The following SDHC variants were observed in gnomAD, a reference collection of about 807,000 sequenced individuals.
SDHC encodes the protein succinate dehydrogenase cytochrome b560 subunit, mitochondrial.
In SDHC, 11 loss-of-function variants were observed where a neutral mutation model predicts 22.6. The ratio of observed to expected loss-of-function variants is 0.49; its 90% CI spans 0.31 to 0.81. The LOEUF (loss-of-function observed/expected upper bound fraction) is 0.81. Ranked by LOEUF, SDHC falls within the 30% of genes least tolerant of loss-of-function variation. The pLI, the probability that SDHC is intolerant of heterozygous loss-of-function variation, is 0.05. For missense variants in SDHC, 160 were observed against 212.0 expected (o/e 0.75, Z 1.52); for synonymous variants, 80 against 77.8 (o/e 1.03, Z -0.15).
intron 1 of SDHC, 197 bp downstream of exon 1, chr1:161,314,622 C>G (rs937493524): frequency 4.7e-6 from 3 of 634,270 alleles, no homozygotes; most frequent in Non-Finnish European, 8.4e-6. Flanking sequence ...CGTAGGGCTT[C>G]GGGGTCACTG....
chr1:161,348,723 A>G (rs1004628583), intron 4 of SDHC, among the ~76,000 whole-genome samples: 1 of 149,924 alleles, frequency 6.7e-6, no homozygotes, highest in Admixed American at 6.6e-5. Flanking sequence ...CTATAATCCC[A>G]GTTACTTGGG....
At chr1:161,340,768 G>GT (rs1571869503) in intron 4 of SDHC, 113 bp downstream of exon 4, 1 of 806,762 alleles carries the variant, frequency 1.2e-6, no homozygotes, top group East Asian at 2.4e-5. Flanking sequence ...AGAGGGAACA[G>GT]TAAGTCTCTT....
At chr1:161,356,235 GTTT>G (rs1477914749) in intron 4 of SDHC, among the ~76,000 whole-genome samples, 2 of 152,080 alleles carry the variant, frequency 1.3e-5, no homozygotes, top group African/African-American at 4.8e-5. Flanking sequence ...TTGAACATGA[GTTT>G]AAATCTTCTC....
chr1:161,356,731 A>T lies in SDHC; in HGVS notation c.296A>T (p.Tyr99Phe). ...ALLLPGNFES[Y>F]LELVKSLCLG... is the part of the protein sequence containing the mutation. ...TTACTCCCTGGGAACTTTGAGTCTT[A>T]TTTGGAACTTGTGAAGTCCCTGTGT... is the stretch of plus-strand genomic sequence containing the variant. Residue 99 changes from tyrosine to phenylalanine, a missense_variant, in exon 5 of 6, where the codon TAT becomes TTT. Physicochemically the swap from Tyr to Phe is conservative, Grantham distance 22 (BLOSUM62 3). Transcript: ENST00000367975. 6.2e-7 allele frequency: 1 copy of T among 1,613,930 alleles called. No individual in the cohort carries two copies. Among genetic ancestry groups the T allele is most frequent in the Non-Finnish European group, 8.5e-7 (1 of 1,179,950 alleles).
intron 3 of SDHC, among the ~76,000 whole-genome samples, chr1:161,331,371 A>T (rs1232895969): frequency 6.6e-6 from 1 of 151,626 alleles, no homozygotes; most frequent in Non-Finnish European, 1.5e-5. Context: ...AGGCTTAAGC[A>T]ATCCTTCCAC....
At chr1:161,338,067 C>A (rs1237525537) in intron 3 of SDHC, among the ~76,000 whole-genome samples, 1 of 152,162 alleles carries the variant, frequency 6.6e-6, no homozygotes, top group Non-Finnish European at 1.5e-5. Context: ...TGTTGCAAGC[C>A]TCAGCTCCTT....
chr1:161,334,983 A>T (rs1558171079), intron 3 of SDHC, among the ~76,000 whole-genome samples: 1 of 152,198 alleles, frequency 6.6e-6, no homozygotes, highest in Non-Finnish European at 1.5e-5. Flanking sequence ...CACTTGTCCC[A>T]TTAATGTCCT....
intron 4 of SDHC, among the ~76,000 whole-genome samples, chr1:161,345,121 T>C (rs1159147671): frequency 6.6e-6 from 1 of 152,214 alleles, no homozygotes; most frequent in African/African-American, 2.4e-5. Context: ...CTTCCCTAAC[T>C]CATTCCTGCC....
rs55961103 is a variant in SDHC, at chr1:161,324,189, A to G, written c.77+519A>G. On this transcript the variant is annotated intron_variant, in intron 2 of 5. Coordinates refer to ENST00000367975, the MANE Select transcript of SDHC (RefSeq NM_003001.5). ...CTCTCACTCTATTGCCCAGGCTAGAATGCAGTGGTATGATCAGGGCTTGCC... is the reference window on the plus strand; with the variant it reads ...CTCTCACTCTATTGCCCAGGCTAGAGTGCAGTGGTATGATCAGGGCTTGCC... 0.12 allele frequency among the ~76,000 whole-genome samples: 17,836 copies of G among 152,156 alleles called. 1,416 individuals carry two copies. Among genetic ancestry groups the G allele is most frequent in the African/African-American group, 0.22 (8,964 of 41,486 alleles).
rs1198315342 is a variant in SDHC, at chr1:161,314,409, G to C, written c.4G>C (p.Ala2Pro). Reference protein sequence around the residue: MAALLLRHVGRH... With the variant: MPALLLRHVGRH... The stretch of plus-strand genomic sequence containing the variant: ...TCCGTCCAGACCGGAACCCAAGATG[G>C]CTGCGCTGTTGCTGAGGTGACTTCA... The change falls in exon 1 of 6, where the codon GCT becomes CCT. Residue 2 changes from alanine to proline, a missense_variant. By Grantham distance (27) the Ala-to-Pro change is conservative. Transcript: ENST00000367975. 1 of 1,613,728 alleles carries C rather than the reference G, an allele frequency of 6.2e-7. No individual in the cohort carries two copies.
chr1:161,329,409 G>A (rs890996623), intron 3 of SDHC, among the ~76,000 whole-genome samples: 4 of 152,114 alleles, frequency 2.6e-5, no homozygotes, highest in South Asian at 2.1e-4. Flanking sequence ...TAGGCCCACC[G>A]CAACCCCTAC....
At chr1:161,361,171 T>G (rs1672495177) in intron 5 of SDHC, among the ~76,000 whole-genome samples, 1 of 152,080 alleles carries the variant, frequency 6.6e-6, no homozygotes, top group Non-Finnish European at 1.5e-5. Flanking sequence ...AAGACCTGCC[T>G]GAACAATATA....
chr1:161,362,697 G>T lies in SDHC; in HGVS notation c.*264G>T. ...CTTGCCTACTCTCGGCCTAGAAGCA[G>T]TTATTCTCTCTCCATATTGGGCTTT... On this transcript the variant is annotated 3_prime_UTR_variant, in exon 6 of 6. Transcript: ENST00000367975. The T allele has an allele frequency of 1.6e-6, 1 of 620,232 alleles. No homozygotes were observed. Among genetic ancestry groups the T allele is most frequent in the Non-Finnish European group, 2.9e-6 (1 of 348,524 alleles). 38.4% of individuals were successfully genotyped at this position (620,232 alleles called of 1,614,324 possible).
intron 1 of SDHC, among the ~76,000 whole-genome samples, chr1:161,315,110 C>T (rs190740953): frequency 3.3e-5 from 5 of 152,172 alleles, no homozygotes; most frequent in Non-Finnish European, 7.3e-5. Context: ...CTGAACTTTC[C>T]GCTGTCTAGG....
intron 4 of SDHC, among the ~76,000 whole-genome samples, chr1:161,351,021 A>G (rs972663342): frequency 2.0e-5 from 3 of 152,158 alleles, no homozygotes; most frequent in South Asian, 2.1e-4. Context: ...CAAGGAACCA[A>G]ATATTCAGTG....
chr1:161,323,588 T>G, intron 1 of SDHC, 26 bp from the exon 2 acceptor site: 3 of 1,600,138 alleles, frequency 1.9e-6, no homozygotes, highest in Non-Finnish European at 2.6e-6. Context: ...AAATGTGTAT[T>G]GATTTTTGAT....
intron 1 of SDHC, chr1:161,314,702 A>C (rs1400837059): frequency 4.5e-5 from 24 of 538,178 alleles, no homozygotes; most frequent in Non-Finnish European, 7.7e-5. Flanking sequence ...CTTCTAACGC[A>C]AATTGCTCTC....
intron 5 of SDHC, among the ~76,000 whole-genome samples, chr1:161,359,637 CTTG>C (rs1282955247): frequency 2.6e-5 from 4 of 152,156 alleles, no homozygotes; most frequent in Admixed American, 2.0e-4. Context: ...TGCCCTGGTT[CTTG>C]CCTGTGATGG....
chr1:161,328,093 T>C (rs1338709674), intron 2 of SDHC, among the ~76,000 whole-genome samples: 1 of 151,494 alleles, frequency 6.6e-6, no homozygotes, highest in Non-Finnish European at 1.5e-5. Flanking sequence ...AACCTCTGCC[T>C]CCTGGGTTCA....
Sources: allele counts gnomAD v4.1 joint callset (sites outside exome capture counted in the v4.1 genomes callset), GRCh38; gene constraint gnomAD v4.1.1; transcripts MANE v1.5; gene names NCBI Gene and HGNC (gene_info 2026-07-23, HGNC 2026-07-21).